Variants in DNAH7 observed in about 807,000 individuals in gnomAD.
DNAH7 encodes dynein axonemal heavy chain 7.
DNAH7 carries 397 observed loss-of-function variants against 444.6 expected under a neutral mutation model. That is an observed-to-expected ratio of 0.89 (90% CI 0.82 to 0.97). The LOEUF is 0.97. DNAH7 is among the 50% of genes least tolerant of loss of function. The pLI is 0.00. For synonymous variants in DNAH7, 1,636 were observed against 1,624.4 expected (o/e 1.01, Z -0.17); for missense variants, 4,902 against 4,800.8 (o/e 1.02, Z -0.62).
At chr2:195,849,913 G>T (rs1699243977) in intron 46 of DNAH7, among the ~76,000 whole-genome samples, 1 of 152,136 alleles carries the variant, frequency 6.6e-6, no homozygotes, top group African/African-American at 2.4e-5. Context: ...CTACTGGCAT[G>T]TTTTGTTCCA....
intron 18 of DNAH7, among the ~76,000 whole-genome samples, chr2:195,957,862 T>C (rs1363746501): frequency 2.0e-5 from 3 of 152,162 alleles, no homozygotes; most frequent in African/African-American, 7.2e-5. Context: ...TTCTGCTATC[T>C]AGTTCCATGG....
chr2:196,056,033 G>T (rs1186182580), intron 2 of DNAH7, among the ~76,000 whole-genome samples: 1 of 152,186 alleles, frequency 6.6e-6, no homozygotes, highest in Non-Finnish European at 1.5e-5. Flanking sequence ...AAGACAAGCA[G>T]CCACACATAT....
At chr2:196,006,333 C>T (rs1242124534) in intron 10 of DNAH7, among the ~76,000 whole-genome samples, 16 of 152,048 alleles carry the variant, frequency 1.1e-4, no homozygotes, top group Admixed American at 1.0e-3. Flanking sequence ...ATCTCCATTC[C>T]ATGACCATGT....
intron 56 of DNAH7, 152 bp from the exon 57 acceptor site, chr2:195,794,690 T>A: frequency 1.4e-6 from 1 of 702,274 alleles, no homozygotes; most frequent in Admixed American, 2.6e-5. Flanking sequence ...CTTTAAAATC[T>A]GATGCTGCTC....
chr2:195,906,410 A>AACACACACACACAC (rs150739355), intron 27 of DNAH7, among the ~76,000 whole-genome samples: 2,152 of 139,806 alleles, frequency 0.015, 53 homozygotes, highest in African/African-American at 0.057. Context: ...TACACACAGA[A>AACACACACACACAC]ACACACACAC....
rs1559089662 is a variant in DNAH7 at position 195,778,639 on chromosome 2, A to AAAAT, written c.10879-655_10879-654insATTT. Among the ~76,000 whole-genome samples the AAAAT allele has an allele frequency of 3.7e-4, 19 of 51,692 alleles. 3 individuals are homozygous for AAAAT. In the South Asian group the frequency reaches 5.9e-3, roughly 16 times the overall value. 33.9% of individuals were successfully genotyped at this position (51,692 alleles called of 152,430 possible). ...GTCTGAAAAAAAAAAAAAATAAATAAATAAATATATATATATATATATATA... is the reference window on the plus strand; with the variant it reads ...GTCTGAAAAAAAAAAAAAATAAATAAAAATATAAATATATATATATATATATATA... On this transcript the variant is annotated intron_variant, in intron 58 of 64. Coordinates refer to ENST00000312428, the MANE Select transcript of DNAH7 (RefSeq NM_018897.3).
intron 18 of DNAH7, among the ~76,000 whole-genome samples, chr2:195,957,957 T>C (rs1247646478): frequency 2.0e-5 from 3 of 152,158 alleles, no homozygotes; most frequent in East Asian, 3.9e-4. Context: ...TGAGGAAAGA[T>C]AGTTACATCC....
At chr2:195,827,564 G>A (rs1211102650) in intron 48 of DNAH7, among the ~76,000 whole-genome samples, 2 of 151,890 alleles carry the variant, frequency 1.3e-5, no homozygotes, top group Non-Finnish European at 2.9e-5. Context: ...TTACAGGTGT[G>A]AACTACTGCC....
At chr2:196,047,327 G>T in intron 5 of DNAH7, 25 bp downstream of exon 5, 1 of 1,523,312 alleles carries the variant, frequency 6.6e-7, no homozygotes, top group Non-Finnish European at 8.9e-7. Flanking sequence ...TGGGTAACAC[G>T]TAATGGTTAG....
intron 63 of DNAH7, among the ~76,000 whole-genome samples, chr2:195,743,301 G>C (rs563084755): frequency 6.6e-6 from 1 of 152,170 alleles, no homozygotes; most frequent in African/African-American, 2.4e-5. Flanking sequence ...ACGGCTTATC[G>C]TGGGACTTTA....
chr2:195,861,996 A>C, intron 41 of DNAH7, 50 bp from the exon 42 acceptor site: 1 of 1,399,328 alleles, frequency 7.1e-7, no homozygotes, highest in Non-Finnish European at 1.0e-6. Flanking sequence ...ACGAATCTGG[A>C]TCTGCTACTA....
intron 61 of DNAH7, among the ~76,000 whole-genome samples, chr2:195,758,090 T>C (rs1694170930): frequency 6.6e-6 from 1 of 152,210 alleles, no homozygotes; most frequent in South Asian, 2.1e-4. Context: ...GCCAGCCCTT[T>C]ATCTTCCAGG....
At chr2:195,839,549 G>T (rs1698558711) in intron 47 of DNAH7, among the ~76,000 whole-genome samples, 1 of 151,522 alleles carries the variant, frequency 6.6e-6, no homozygotes. Flanking sequence ...AACAAAAAAA[G>T]AATGGAGAAA....
chr2:195,847,741 A>G (rs772848308), intron 46 of DNAH7, among the ~76,000 whole-genome samples: 10 of 152,204 alleles, frequency 6.6e-5, no homozygotes, highest in Non-Finnish European at 1.3e-4. Context: ...AATATCTAGC[A>G]CATACAATAT....
At chr2:195,929,402 C>T (rs1477477473) in intron 21 of DNAH7, among the ~76,000 whole-genome samples, 1 of 152,118 alleles carries the variant, frequency 6.6e-6, no homozygotes, top group African/African-American at 2.4e-5. Flanking sequence ...ACCACAAGAG[C>T]CTGAACAGCC....
intron 14 of DNAH7, among the ~76,000 whole-genome samples, chr2:195,986,004 C>A (rs1180025959): frequency 6.6e-6 from 1 of 152,190 alleles, no homozygotes; most frequent in Non-Finnish European, 1.5e-5. Flanking sequence ...TCACACCTCA[C>A]TGCCCTCTAC....
At chr2:196,020,129 G>A (rs1312118650) in intron 8 of DNAH7, among the ~76,000 whole-genome samples, 3 of 151,742 alleles carry the variant, frequency 2.0e-5, no homozygotes, top group Non-Finnish European at 1.5e-5. Context: ...CTTTTCTCTA[G>A]CTTATTGTAA....
At position 195,899,755 on chromosome 2, in the gene DNAH7, T is replaced by G. The variant is rs1198949990; in HGVS notation, c.4548+527A>C. ...AAGAACTAACTAATGTACAGTTATATTTCATGGTTCTACAATATACTCTCA... is the reference window on the plus strand; with the variant it reads ...AAGAACTAACTAATGTACAGTTATAGTTCATGGTTCTACAATATACTCTCA... On this transcript the variant is annotated intron_variant, in intron 28 of 64. Transcript: ENST00000312428. 2.0e-5 allele frequency among the ~76,000 whole-genome samples: 3 copies of G among 152,310 alleles called. No individual in the cohort carries two copies. In the East Asian group the frequency reaches 5.8e-4, roughly 29 times the overall value.
intron 12 of DNAH7, among the ~76,000 whole-genome samples, chr2:195,989,099 TAAGTC>T (rs1693121981): frequency 6.6e-6 from 1 of 152,218 alleles, no homozygotes; most frequent in Admixed American, 6.5e-5. Flanking sequence ...GATGGACACT[TAAGTC>T]AATTCCATAT....
Sources: allele counts gnomAD v4.1 joint callset (sites outside exome capture counted in the v4.1 genomes callset), GRCh38; gene constraint gnomAD v4.1.1; transcripts MANE v1.5; gene names NCBI Gene and HGNC (gene_info 2026-07-23, HGNC 2026-07-21).